Variants in UBE4B observed in about 807,000 individuals in gnomAD.
UBE4B encodes the protein ubiquitin conjugation factor E4 B.
Under a neutral mutation model 148.1 loss-of-function variants are expected in UBE4B, and 27 were observed. The observed-to-expected ratio is 0.18, with a 90% CI of 0.13 to 0.25. The LOEUF (loss-of-function observed/expected upper bound fraction) is 0.25. Among genes scored for constraint, UBE4B ranks in the 10% least tolerant of loss-of-function variants. UBE4B has a pLI of 1.00. For synonymous variants in UBE4B, 596 were observed against 619.3 expected, an observed-to-expected ratio of 0.96 and a Z score of 0.56; for missense variants, 1,170 against 1,662.4, an observed-to-expected ratio of 0.70 and a Z score of 5.15.
At chr1:10,102,190 C>A (rs913934045) in intron 4 of UBE4B, among the ~76,000 whole-genome samples, 2 of 151,826 alleles carry the variant, frequency 1.3e-5, no homozygotes, top group Admixed American at 1.3e-4. Context: ...TTAATGTTTA[C>A]AAAATTCTTT....
intron 2 of UBE4B, among the ~76,000 whole-genome samples, chr1:10,077,838 A>G (rs369690787): frequency 1.3e-5 from 2 of 152,212 alleles, no homozygotes; most frequent in African/African-American, 2.4e-5. Flanking sequence ...ACTAGTGCCT[A>G]TGGAACCAAG....
intron 1 of UBE4B, among the ~76,000 whole-genome samples, chr1:10,063,169 G>A (rs1183444476): frequency 6.6e-6 from 1 of 152,188 alleles, no homozygotes; most frequent in Non-Finnish European, 1.5e-5. Context: ...TGGGGAGGCT[G>A]AGGCAGGAGG....
At chr1:10,103,396 CCTCTTTA>C (rs1362703374) in intron 5 of UBE4B, among the ~76,000 whole-genome samples, 3 of 141,846 alleles carry the variant, frequency 2.1e-5, no homozygotes, top group Admixed American at 7.6e-5. Context: ...AGCATTACCT[CCTCTTTA>C]TTTATTTATT....
intron 24 of UBE4B, among the ~76,000 whole-genome samples, chr1:10,169,916 G>A (rs1330843932): frequency 6.6e-6 from 1 of 152,226 alleles, no homozygotes; most frequent in Non-Finnish European, 1.5e-5. Flanking sequence ...TTGGGAAGCT[G>A]TGGCAGGAGA....
At chr1:10,178,519 A>G (rs1453048382) in intron 25 of UBE4B, 125 bp from the exon 26 acceptor site, 5 of 919,698 alleles carry the variant, frequency 5.4e-6, no homozygotes, top group Non-Finnish European at 7.9e-6. Flanking sequence ...AAGTGTATAT[A>G]TAATTTTAGG....
intron 9 of UBE4B, among the ~76,000 whole-genome samples, chr1:10,120,375 T>C (rs1274705006): frequency 6.6e-6 from 1 of 152,004 alleles, no homozygotes; most frequent in Non-Finnish European, 1.5e-5. Context: ...ACAAAAGACT[T>C]AGCTGGGCAT....
intron 21 of UBE4B, among the ~76,000 whole-genome samples, chr1:10,158,023 G>A (rs4500322): frequency 6.6e-6 from 1 of 152,138 alleles, no homozygotes; most frequent in Non-Finnish European, 1.5e-5. Context: ...AGGTGCCATA[G>A]AATTTCTGTA....
chr1:10,044,297 G>A (rs1205555941), intron 1 of UBE4B, among the ~76,000 whole-genome samples: 1 of 151,652 alleles, frequency 6.6e-6, no homozygotes, highest in Non-Finnish European at 1.5e-5. Flanking sequence ...TCAAATGATC[G>A]GCTTGCCTCG....
Position 10,126,910 on chromosome 1 carries a change from A to G in UBE4B, c.1638+33A>G, listed in dbSNP as rs183604509. ...TTTGTTCTTTTTCTTTAACTCATTCAATAGATGTTTTTCTTTCAGATTATT... is the reference window on the plus strand; with the variant it reads ...TTTGTTCTTTTTCTTTAACTCATTCGATAGATGTTTTTCTTTCAGATTATT... On this transcript the variant is annotated intron_variant, in intron 11 of 27. Transcript: ENST00000343090. 55 of 1,531,112 alleles carry G rather than the reference A, an allele frequency of 3.6e-5. No homozygotes were observed. The African/African-American group carries it at 6.9e-4, about 19-fold the overall frequency. The allele number at this position is 1,531,112 out of a possible 1,614,324, so 94.8% of individuals were successfully genotyped here. A position where few individuals can be genotyped will look rare whatever the true frequency, so the allele number is the denominator to read the frequency against.
chr1:10,071,980 T>C, intron 1 of UBE4B, 48 bp from the exon 2 acceptor site: 3 of 1,492,960 alleles, frequency 2.0e-6, no homozygotes, highest in Non-Finnish European at 2.7e-6. Context: ...GGCAGAATTG[T>C]GTTTCTGCTG....
At chr1:10,033,755 G>A in intron 1 of UBE4B, 61 bp downstream of exon 1, 1 of 1,482,890 alleles carries the variant, frequency 6.7e-7, no homozygotes, top group Non-Finnish European at 9.0e-7. Context: ...CTTTGGACAG[G>A]GATGGTATTG....
Position 10,072,179 on chromosome 1 carries a change from A to T in UBE4B, c.176A>T (p.Asn59Ile). Residue 59 changes from asparagine (N) to isoleucine (I), a missense_variant, in exon 2 of 28, where the codon AAC becomes ATC. Asn to Ile is a moderately radical substitution (Grantham distance 149). Around this residue, in one of 6 missense-constraint regions of UBE4B, gnomAD observed 127 missense variants for 153.2 expected, o/e 0.83. Transcript: ENST00000343090. ...PSQSLGLNVH[N>I]MTPATSPIGA... ...CAGAGTCTTGGTCTCAATGTCCACA[A>T]CATGACCCCAGCTACCTCCCCAATA... The T allele has an allele frequency of 2.5e-6, 4 of 1,613,882 alleles. No individual in the cohort carries two copies. The highest frequency in any genetic ancestry group is 3.4e-6 in the Non-Finnish European group (4 of 1,179,960).
In UBE4B at chr1:10,033,610, G is replaced by A; in HGVS notation, c.-61G>A. 1.4e-6 allele frequency: 2 copies of A among 1,456,976 alleles called. No homozygotes were observed. The highest frequency in any genetic ancestry group is 1.8e-6 in the Non-Finnish European group (2 of 1,098,246). The allele number at this position is 1,456,976 out of a possible 1,614,324, so 90.3% of individuals were successfully genotyped here. The stretch of plus-strand genomic sequence containing the variant: ...GACACCTTCCACTCTCCTTCCTCCC[G>A]CCGTGGTCTCGAGAACAGAAGGATC... On this transcript the variant is annotated 5_prime_UTR_variant, in exon 1 of 28. Transcript: ENST00000343090.
chr1:10,153,400 G>A (rs1646010291), intron 21 of UBE4B, among the ~76,000 whole-genome samples: 1 of 149,584 alleles, frequency 6.7e-6, no homozygotes, highest in African/African-American at 2.5e-5. Context: ...AGAGGTGGGA[G>A]GAAGGCTTGA....
chr1:10,048,642 C>G (rs1439209298), intron 1 of UBE4B, among the ~76,000 whole-genome samples: 1 of 152,118 alleles, frequency 6.6e-6, no homozygotes. Flanking sequence ...GGGGAATGCT[C>G]AACTGTGTCT....
chr1:10,081,941 C>A (rs1227605365), intron 2 of UBE4B, among the ~76,000 whole-genome samples: 4 of 152,156 alleles, frequency 2.6e-5, no homozygotes, highest in African/African-American at 9.7e-5. Context: ...TTTTGAACTC[C>A]TGGGCTCAAG....
chr1:10,117,755 G>A (rs561717364), intron 8 of UBE4B, among the ~76,000 whole-genome samples, 155 bp downstream of exon 8: 4 of 152,240 alleles, frequency 2.6e-5, no homozygotes, highest in Middle Eastern at 3.4e-3. Flanking sequence ...AGGATGTGTC[G>A]ATGAACAAAA....
chr1:10,113,862 C>A (rs995511364), intron 7 of UBE4B, among the ~76,000 whole-genome samples: 1 of 151,980 alleles, frequency 6.6e-6, no homozygotes, highest in Non-Finnish European at 1.5e-5. Context: ...GTCAGGAGAT[C>A]GAGATCATCC....
At chr1:10,062,813 G>A (rs971631797) in intron 1 of UBE4B, among the ~76,000 whole-genome samples, 33 of 151,738 alleles carry the variant, frequency 2.2e-4, no homozygotes, top group African/African-American at 7.0e-4. Context: ...AAAATTAGCC[G>A]GGTGTGGTGG....
Sources: gnomAD v4.1 joint callset for allele counts (sites outside exome capture counted in the v4.1 genomes callset) on GRCh38, gnomAD v4.1.1 for gene constraint, gnomAD v4.1.1 regional missense constraint, MANE v1.5 for transcripts, NCBI Gene and HGNC (gene_info 2026-07-23, HGNC 2026-07-21) for gene names.